CYB5R4: variants seen among roughly 807,000 people sequenced by gnomAD.
CYB5R4 encodes the protein N-terminal cytochrome b5 and cytochrome b5 oxidoreductase domain-containing protein.
Under a neutral mutation model 70.2 loss-of-function variants are expected in CYB5R4, and 55 were observed. That is an observed-to-expected ratio of 0.78 (90% CI 0.63 to 0.98). CYB5R4 has a LOEUF of 0.98. Ranked by LOEUF, CYB5R4 falls within the 50% of genes least tolerant of loss-of-function variation. The pLI is 0.00. For synonymous variants in CYB5R4, 197 were observed against 199.5 expected, an observed-to-expected ratio of 0.99 and a Z score of 0.11; for missense variants, 562 against 612.6, an observed-to-expected ratio of 0.92 and a Z score of 0.87.
At chr6:83,928,340 T>C in intron 10 of CYB5R4, among the ~76,000 whole-genome samples, 1 of 152,088 alleles carries the variant, frequency 6.6e-6, no homozygotes, top group East Asian at 1.9e-4. Flanking sequence ...AAGAATACTT[T>C]TATAAGGAAA....
chr6:83,881,356 A>G (rs1316761141), intron 2 of CYB5R4, among the ~76,000 whole-genome samples: 2 of 151,846 alleles, frequency 1.3e-5, no homozygotes, highest in Admixed American at 6.6e-5. Context: ...TAAATTTTTT[A>G]TAGAGATAGC....
intron 12 of CYB5R4, 82 bp from the exon 13 acceptor site, chr6:83,939,974 G>A: frequency 2.1e-6 from 2 of 945,640 alleles, no homozygotes; most frequent in African/African-American, 1.7e-5. Context: ...AGCTAGTTTT[G>A]GCTTCTTAGT....
At chr6:83,909,824 T>G (rs1199109193) in intron 4 of CYB5R4, among the ~76,000 whole-genome samples, 1 of 152,178 alleles carries the variant, frequency 6.6e-6, no homozygotes, top group Non-Finnish European at 1.5e-5. Flanking sequence ...ATTTTTGTTG[T>G]TAGAACGAAA....
Position 83,946,171 on chromosome 6 carries a change from T to C in CYB5R4, c.1346+5570T>C, listed in dbSNP as rs553566260. Among the ~76,000 whole-genome samples the C allele has an allele frequency of 1.1e-3, 160 of 152,308 alleles. 3 individuals carry two copies. Among genetic ancestry groups the C allele is most frequent in the Admixed American group, 0.01 (157 of 15,298 alleles). ...CTGATGAACATCGATGCAAAAATCC[T>C]CAATAAAATACTTGCAAACTGAATC... On this transcript the variant is annotated intron_variant, in intron 14 of 15. Coordinates refer to ENST00000369681, the MANE Select transcript of CYB5R4 (RefSeq NM_016230.4).
At chr6:83,863,649 T>C (rs771320591) in intron 1 of CYB5R4, among the ~76,000 whole-genome samples, 1 of 152,146 alleles carries the variant, frequency 6.6e-6, no homozygotes, top group African/African-American at 2.4e-5. Context: ...TGGTCAGCCC[T>C]GTGTAGCCCT....
At position 83,910,135 on chromosome 6, in the gene CYB5R4, T is replaced by TTCTCAGCCTATAGTGGGCTGAG. The variant is rs771001011; in HGVS notation, c.412+1045_412+1046insTCTCAGCCTATAGTGGGCTGAG. The TTCTCAGCCTATAGTGGGCTGAG allele has an allele frequency of 4.5e-3, 7,319 of 1,610,562 alleles. 317 individuals are homozygous for TTCTCAGCCTATAGTGGGCTGAG. The African/African-American group carries it at 0.087, about 19-fold the overall frequency. On this transcript the variant is annotated intron_variant, in intron 4 of 15. Coordinates refer to ENST00000369681, the MANE Select transcript of CYB5R4 (RefSeq NM_016230.4). ...CAGGACCTATAGTGGGCTGAGACAT[T>TTCTCAGCCTATAGTGGGCTGAG]ACTTTCAAAGATTTCTTTTACTGTC...
Position 83,910,404 on chromosome 6 carries a change from A to G in CYB5R4, c.412+1314A>G, listed in dbSNP as rs533806496. 3.1e-4 allele frequency: 112 copies of G among 363,670 alleles called. 2 individuals are homozygous for G. Among genetic ancestry groups the G allele is most frequent in the South Asian group, 2.6e-3 (61 of 23,288 alleles). 22.5% of individuals were successfully genotyped at this position (363,670 alleles called of 1,614,324 possible). A position where few individuals can be genotyped will look rare whatever the true frequency, so the allele number is the denominator to read the frequency against. On this transcript the variant is annotated intron_variant, in intron 4 of 15. Transcript: ENST00000369681. ...TTCTGAAGTGGGCTTTACTAGACAG[A>G]CAAGTTTGCTATCTCAGCCTGGCTG...
chr6:83,947,658 C>G (rs2099470831), intron 14 of CYB5R4, among the ~76,000 whole-genome samples: 1 of 152,098 alleles, frequency 6.6e-6, no homozygotes, highest in African/African-American at 2.4e-5. Context: ...TGACAAAGGG[C>G]TAATATCCAG....
chr6:83,928,893 C>T (rs933680430), intron 10 of CYB5R4, among the ~76,000 whole-genome samples: 11 of 152,150 alleles, frequency 7.2e-5, no homozygotes, highest in South Asian at 2.1e-4. Context: ...CTAGTTAGAA[C>T]GACATCATTC....
intron 15 of CYB5R4, among the ~76,000 whole-genome samples, chr6:83,957,963 T>C (rs1310497510): frequency 1.3e-5 from 2 of 152,192 alleles, no homozygotes; most frequent in Non-Finnish European, 2.9e-5. Context: ...GGGTTTCTTA[T>C]TATAGTTTTT....
In CYB5R4 at chr6:83,909,012, C is replaced by T; in HGVS notation, c.334C>T (p.His112Tyr). ...SDGTELFDQVHRWVNYESMLK... is the reference protein window; with the variant it reads ...SDGTELFDQVYRWVNYESMLK... ...CATCATTTGTTTTACATACCAGGTT[C>T]ATCGTTGGGTCAATTATGAATCCAT... is the stretch of plus-strand genomic sequence containing the variant. The change falls in exon 4 of 16, where the codon CAT becomes TAT. Residue 112 changes from histidine (H) to tyrosine (Y), a missense_variant. Physicochemically the swap from His to Tyr is moderately conservative, Grantham distance 83. Coordinates refer to ENST00000369681, the MANE Select transcript of CYB5R4 (RefSeq NM_016230.4). 2 of 1,613,134 alleles carry T rather than the reference C, an allele frequency of 1.2e-6. No homozygotes were observed. Among genetic ancestry groups the T allele is most frequent in the Non-Finnish European group, 1.7e-6 (2 of 1,179,280 alleles).
chr6:83,949,901 G>T (rs2099471261), intron 14 of CYB5R4, among the ~76,000 whole-genome samples: 1 of 152,150 alleles, frequency 6.6e-6, no homozygotes, highest in African/African-American at 2.4e-5. Flanking sequence ...CAATGAGTTA[G>T]CATATGTAGG....
intron 2 of CYB5R4, among the ~76,000 whole-genome samples, chr6:83,864,536 T>A (rs2099456450): frequency 6.6e-6 from 1 of 152,254 alleles, no homozygotes; most frequent in African/African-American, 2.4e-5. Context: ...ACAGTGAACT[T>A]CTGATACGAA....
intron 9 of CYB5R4, 23 bp from the exon 10 acceptor site, chr6:83,924,447 A>G (rs1479608287): frequency 2.5e-6 from 4 of 1,609,396 alleles, no homozygotes; most frequent in Middle Eastern, 1.7e-4. Context: ...GATGAACACA[A>G]ATGGAATTTA....
intron 8 of CYB5R4, among the ~76,000 whole-genome samples, chr6:83,922,118 C>T (rs530430276): frequency 9.2e-5 from 14 of 152,280 alleles, no homozygotes; most frequent in East Asian, 3.9e-4. Flanking sequence ...GCTGCCTCTC[C>T]GTAGCCTGCT....
intron 3 of CYB5R4, among the ~76,000 whole-genome samples, chr6:83,902,863 TTG>T (rs2099463204): frequency 6.6e-6 from 1 of 152,166 alleles, no homozygotes; most frequent in African/African-American, 2.4e-5. Context: ...CTGCTGAGTT[TTG>T]TATGTTGATT....
At chr6:83,921,764 A>G (rs2099466414) in intron 8 of CYB5R4, among the ~76,000 whole-genome samples, 1 of 152,234 alleles carries the variant, frequency 6.6e-6, no homozygotes, top group East Asian at 1.9e-4. Flanking sequence ...CTTGGTTGCC[A>G]ATATTGCATT....
At chr6:83,947,735 A>G (rs1164101547) in intron 14 of CYB5R4, among the ~76,000 whole-genome samples, 1 of 152,226 alleles carries the variant, frequency 6.6e-6, no homozygotes, top group Non-Finnish European at 1.5e-5. Flanking sequence ...GGCAAAGGAT[A>G]TCAACAGACA....
chr6:83,948,380 A>T (rs1391206514), intron 14 of CYB5R4, among the ~76,000 whole-genome samples: 21 of 152,144 alleles, frequency 1.4e-4, no homozygotes, highest in African/African-American at 5.1e-4. Context: ...GGTGGGGGCC[A>T]AAGGGAGGGA....
Sources: allele counts gnomAD v4.1 joint callset (sites outside exome capture counted in the v4.1 genomes callset), GRCh38; gene constraint gnomAD v4.1.1; transcripts MANE v1.5; gene names NCBI Gene and HGNC (gene_info 2026-07-23, HGNC 2026-07-21).